DPP6: variants seen among roughly 807,000 people sequenced by gnomAD.
The protein encoded by DPP6 is dipeptidyl peptidase like 6.
A neutral mutation model predicts 122.6 loss-of-function variants in DPP6; 69 were observed. The ratio of observed to expected loss-of-function variants is 0.56; its 90% CI spans 0.46 to 0.69. The LOEUF (loss-of-function observed/expected upper bound fraction) is 0.69. Among genes scored for constraint, DPP6 ranks in the 30% least tolerant of loss-of-function variants. The pLI is 0.00. For missense variants in DPP6, 928 were observed against 1,116.9 expected (o/e 0.83, Z 2.41); for synonymous variants, 418 against 433.1 (o/e 0.97, Z 0.43).
the DPP6 span, among the ~76,000 whole-genome samples, chr7:153,773,264 C>CATGTGT: frequency 3.2e-3 from 426 of 132,450 alleles, 3 homozygotes; most frequent in African/African-American, 0.011. Flanking sequence ...TCTTTTCTTT[C>CATGTGT]GTGTGTGTGT....
intron 1 of DPP6, among the ~76,000 whole-genome samples, chr7:154,314,960 T>A (rs1409483571): frequency 6.6e-6 from 1 of 152,208 alleles, no homozygotes; most frequent in Non-Finnish European, 1.5e-5. Context: ...TTTTTCCTCT[T>A]CACATCTCAT....
chr7:154,725,651 C>A (rs866125552), intron 7 of DPP6, among the ~76,000 whole-genome samples: 8 of 152,146 alleles, frequency 5.3e-5, no homozygotes, highest in South Asian at 4.1e-4. Flanking sequence ...AAATCCAAAC[C>A]ATATCATTCC....
chr7:154,175,786 C>G (rs573158331), intron 1 of DPP6, among the ~76,000 whole-genome samples: 2 of 146,448 alleles, frequency 1.4e-5, no homozygotes, highest in African/African-American at 5.0e-5. Context: ...GTGGCACGAT[C>G]TCGGCTCACT....
the DPP6 span, among the ~76,000 whole-genome samples, chr7:153,837,611 C>T: frequency 6.6e-6 from 1 of 152,150 alleles, no homozygotes; most frequent in Admixed American, 6.6e-5. Flanking sequence ...GATTTTCCTA[C>T]TGTCTTATTG....
intron 17 of DPP6, among the ~76,000 whole-genome samples, chr7:154,857,222 C>T (rs1041713456): frequency 2.6e-5 from 4 of 152,150 alleles, no homozygotes; most frequent in African/African-American, 9.7e-5. Flanking sequence ...GTTCCCATCC[C>T]CAGGAGGACA....
the DPP6 span, among the ~76,000 whole-genome samples, chr7:153,846,155 G>A: frequency 2.0e-5 from 3 of 152,148 alleles, no homozygotes; most frequent in South Asian, 2.1e-4. Flanking sequence ...AACATTTGGT[G>A]TTGTCCATTT....
chr7:154,026,558 A>T (rs1798964189), intron 1 of DPP6: 1 of 152,194 alleles, frequency 6.6e-6, no homozygotes, highest in East Asian at 1.9e-4. Context: ...CATGGACATT[A>T]AGCTGGAATG....
At chr7:154,451,533 G>A (rs1040661191) in intron 2 of DPP6, among the ~76,000 whole-genome samples, 34 of 152,224 alleles carry the variant, frequency 2.2e-4, no homozygotes, top group African/African-American at 4.6e-4. Context: ...AGGGAGTGGC[G>A]GCAGGCCTCC....
At chr7:154,880,475 G>A (rs951731932) in intron 20 of DPP6, among the ~76,000 whole-genome samples, 2 of 152,220 alleles carry the variant, frequency 1.3e-5, no homozygotes, top group South Asian at 4.1e-4. Flanking sequence ...CATAGAACCA[G>A]AGCTCCACAG....
intron 1 of DPP6, among the ~76,000 whole-genome samples, chr7:154,102,337 A>G (rs1215286846): frequency 1.3e-5 from 2 of 151,932 alleles, no homozygotes; most frequent in Non-Finnish European, 2.9e-5. Context: ...TTACAGGCAC[A>G]CACCAATACG....
rs1435570258 is a variant in DPP6, at chr7:153,982,314, CCTT to C, written c.51+94586_51+94588del. Among the ~76,000 whole-genome samples the C allele has an allele frequency of 4.6e-5, 7 of 151,528 alleles. No individual in the cohort carries two copies. In the East Asian group the frequency reaches 7.9e-4, roughly 17 times the overall value. On this transcript the variant is annotated intron_variant, in intron 1 of 25. Transcript: ENST00000404039. ...AAGTTGATCTTCAATCTCTGATACC[CCTT>C]CTTCTGCTTGATTGCTTCAGCTATT... is the stretch of plus-strand genomic sequence containing the variant.
chr7:154,749,711 C>G (rs1773013761), intron 8 of DPP6, among the ~76,000 whole-genome samples: 1 of 41,760 alleles, frequency 2.4e-5, no homozygotes, highest in African/African-American at 8.9e-5. Flanking sequence ...GGGATGGAGG[C>G]TTTACTGAGC....
chr7:154,807,180 C>T (rs1216574812), intron 16 of DPP6, 68 bp downstream of exon 16: 1 of 1,575,236 alleles, frequency 6.3e-7, no homozygotes, highest in East Asian at 2.2e-5. Context: ...GGGGTGGGCA[C>T]ACTTGCAGGG....
chr7:154,866,832 C>G (rs1047949482), intron 17 of DPP6, among the ~76,000 whole-genome samples: 1 of 152,180 alleles, frequency 6.6e-6, no homozygotes, highest in Non-Finnish European at 1.5e-5. Context: ...CCCTGTTCCT[C>G]TACAGAAGGT....
intron 1 of DPP6, among the ~76,000 whole-genome samples, chr7:153,939,885 A>G (rs1801620134): frequency 6.6e-6 from 1 of 152,254 alleles, no homozygotes; most frequent in Admixed American, 6.5e-5. Context: ...ATCAGTTGAT[A>G]ACATGGCAGT....
intron 4 of DPP6, among the ~76,000 whole-genome samples, chr7:154,559,184 T>C (rs1830242844): frequency 6.9e-6 from 1 of 144,268 alleles, no homozygotes. Context: ...ATAAGAGAAA[T>C]TAAAGATTAT....
upstream of DPP6, among the ~76,000 whole-genome samples, chr7:153,884,895 A>C (rs1217338132): frequency 6.6e-6 from 1 of 150,668 alleles, no homozygotes; most frequent in African/African-American, 2.4e-5. Context: ...CAGGAGAATC[A>C]CTTGAACCTG....
intron 5 of DPP6, chr7:154,587,567 C>T: frequency 6.9e-7 from 1 of 1,442,570 alleles, no homozygotes; most frequent in Non-Finnish European, 9.2e-7. Flanking sequence ...TCCCCAACTT[C>T]CCATGCCCCA....
At chr7:154,036,818 C>T (rs1325775659) in intron 1 of DPP6, among the ~76,000 whole-genome samples, 1 of 152,108 alleles carries the variant, frequency 6.6e-6, no homozygotes, top group South Asian at 2.1e-4. Context: ...GGGGACATAG[C>T]GTGCCAACTC....
Sources: gnomAD v4.1 joint callset for allele counts (sites outside exome capture counted in the v4.1 genomes callset) on GRCh38, gnomAD v4.1.1 for gene constraint, MANE v1.5 for transcripts, NCBI Gene and HGNC (gene_info 2026-07-23, HGNC 2026-07-21) for gene names.